AIRE: variants seen among roughly 807,000 people sequenced by gnomAD.
The protein encoded by AIRE is autoimmune polyendocrinopathy candidiasis ectodermal dystrophy protein.
Under a neutral mutation model 62.1 loss-of-function variants are expected in AIRE, and 52 were observed. The ratio of observed to expected loss-of-function variants is 0.84; its 90% CI spans 0.67 to 1.06. The LOEUF (loss-of-function observed/expected upper bound fraction) is 1.06. Ranked by LOEUF, AIRE falls within the 50% of genes least tolerant of loss-of-function variation. The pLI, the probability that AIRE is intolerant of heterozygous loss-of-function variation, is 0.00. For synonymous variants in AIRE, 342 were observed against 321.6 expected (o/e 1.06, Z -0.68); for missense variants, 774 against 755.8 (o/e 1.02, Z -0.28).
rs939569299 is a variant in AIRE, at chr21:44,292,278, TCTGA to T, written c.996-20_996-17del. 6.5e-7 allele frequency: 1 copy of T among 1,549,506 alleles called. No homozygotes were observed. Among genetic ancestry groups the T allele is most frequent in the African/African-American group, 1.4e-5 (1 of 73,580 alleles). ...CACCCGCTGTCTTGTTCTGCATGTC[TCTGA>T]CTGGTGGACACACGAGCAGTGGGAC... On this transcript the variant is annotated intron_variant, in intron 8 of 13. Transcript: ENST00000291582.
At position 44,285,891 on chromosome 21, in the gene AIRE, C is replaced by A; in HGVS notation, c.-116C>A. 4 of 1,052,818 alleles carry A rather than the reference C, an allele frequency of 3.8e-6. No individual in the cohort carries two copies. The highest frequency in any genetic ancestry group is 3.6e-5 in the East Asian group (1 of 27,412). 65.2% of individuals were successfully genotyped at this position (1,052,818 alleles called of 1,614,324 possible). ...CTCGCAGACCGGGGAGACGGGCGGG[C>A]GCACAGCCGGCGCGGAGGCCCCACA... On this transcript the variant is annotated 5_prime_UTR_variant, in exon 1 of 14. Coordinates refer to ENST00000291582, the MANE Select transcript of AIRE (RefSeq NM_000383.4).
intron 5 of AIRE, 106 bp downstream of exon 5, chr21:44,288,564 T>C: frequency 1.2e-6 from 1 of 813,212 alleles, no homozygotes; most frequent in Admixed American, 2.4e-5. Context: ...CAGACCGGAC[T>C]GTTGCTCAGG....
intron 8 of AIRE, among the ~76,000 whole-genome samples, 159 bp from the exon 9 acceptor site, chr21:44,292,143 G>C (rs1157218766): frequency 6.6e-6 from 1 of 152,096 alleles, no homozygotes; most frequent in Non-Finnish European, 1.5e-5. Context: ...CCCCCTGCTG[G>C]GCTCTCCCTT....
At position 44,286,023 on chromosome 21, in the gene AIRE, C is replaced by G; in HGVS notation, c.17C>G (p.Ala6Gly). Residue 6 changes from alanine (A) to glycine (G), a missense_variant, in exon 1 of 14, where the codon GCG becomes GGG. Around this residue, in one of 3 missense-constraint regions of AIRE, gnomAD observed 385 missense variants for 396.0 expected, o/e 0.97. Coordinates refer to ENST00000291582, the MANE Select transcript of AIRE (RefSeq NM_000383.4). The surrounding 1 kb of genome is among the most constrained non-coding windows in gnomAD (Gnocchi z 6.0). The stretch of plus-strand genomic sequence containing the variant: ...GCCCACCCCATGGCGACGGACGCGG[C>G]GCTACGCCGGCTTCTGAGGCTGCAC... Reference protein sequence around the residue: MATDAALRRLLRLHRT... With the variant: MATDAGLRRLLRLHRT... 1 of 1,533,690 alleles carries G rather than the reference C, an allele frequency of 6.5e-7. No homozygotes were observed. Among genetic ancestry groups the G allele is most frequent in the South Asian group, 1.2e-5 (1 of 83,854 alleles).
Position 44,294,363 on chromosome 21 carries a change from C to G in AIRE, c.1401-38C>G, listed in dbSNP as rs376163906. 6.2e-4 allele frequency: 879 copies of G among 1,409,060 alleles called. 12 individuals are homozygous for G. In the South Asian group the frequency reaches 0.01, roughly 17 times the overall value. 87.3% of individuals were successfully genotyped at this position (1,409,060 alleles called of 1,614,324 possible). A position where few individuals can be genotyped will look rare whatever the true frequency, so the allele number is the denominator to read the frequency against. ...ATACCCCGGAGGTGGCACTCCTGCT[C>G]CCCCCCAGGGCTGGCAGCCCCTCAT... On this transcript the variant is annotated intron_variant, in intron 11 of 13. Transcript: ENST00000291582.
Position 44,292,380 on chromosome 21 carries a change from G to A in AIRE, c.1074G>A (p.Gln358=), listed in dbSNP as rs1294643656. The change falls in exon 9 of 14, where the codon CAG becomes CAA. Residue 358 remains glutamine (Q), a synonymous_variant. Coordinates refer to ENST00000291582, the MANE Select transcript of AIRE (RefSeq NM_000383.4). ...VQPRAEEPRP[Q]EPPVETPLPP... ...CCCGGGCAGAGGAGCCCCGGCCCCA[G>A]GAGCCACCCGTGGAGACCCCGGTAT... 1.9e-6 allele frequency: 3 copies of A among 1,558,018 alleles called. No individual in the cohort carries two copies. In the African/African-American group the frequency reaches 4.1e-5, roughly 21 times the overall value.
chr21:44,298,256 C>T lies in AIRE; in HGVS notation c.*529C>T. 1 of 182,298 alleles carries T rather than the reference C, an allele frequency of 5.5e-6. No individual in the cohort carries two copies. Among genetic ancestry groups the T allele is most frequent in the South Asian group, 1.0e-4 (1 of 9,706 alleles). The allele number at this position is 182,298 out of a possible 1,614,324, so 11.3% of individuals were successfully genotyped here. Reference sequence around the variant, plus strand: ...ACCATCTGCAGAGCTGTTCCAGCTTCCTGAATGGAAACTCTGGCCCCATGA... The same window carrying T: ...ACCATCTGCAGAGCTGTTCCAGCTTTCTGAATGGAAACTCTGGCCCCATGA... On this transcript the variant is annotated 3_prime_UTR_variant, in exon 14 of 14. Transcript: ENST00000291582.
At chr21:44,291,879 G>T (rs753525560) in intron 8 of AIRE, among the ~76,000 whole-genome samples, 3 of 152,172 alleles carry the variant, frequency 2.0e-5, no homozygotes, top group Non-Finnish European at 4.4e-5. Flanking sequence ...GGGCACAGTG[G>T]GGGTCATTGC....
chr21:44,289,939 C>G, intron 6 of AIRE, 49 bp from the exon 7 acceptor site: 1 of 1,597,094 alleles, frequency 6.3e-7, no homozygotes, highest in Non-Finnish European at 8.6e-7. Context: ...GCCATGTGCA[C>G]CCTCGCTGCT....
intron 12 of AIRE, among the ~76,000 whole-genome samples, chr21:44,295,099 G>C (rs2031209862): frequency 1.3e-5 from 2 of 152,178 alleles, no homozygotes. Context: ...GGAGCCTCCG[G>C]GGGGGTGGCC....
chr21:44,290,157 G>C (rs2040521941), intron 7 of AIRE, 89 bp downstream of exon 7: 2 of 1,544,578 alleles, frequency 1.3e-6, no homozygotes. Context: ...TGGGCACTCA[G>C]GGATGAGCAC....
Position 44,287,046 on chromosome 21 carries a change from C to T in AIRE, c.376C>T (p.Pro126Ser), listed in dbSNP as rs946198025. ...CGTCCCCAAGGCTTTGGTACCGCCACCCAGACTCCCCACCAAGAGGAAGGC... is the reference window on the plus strand; with the variant it reads ...CGTCCCCAAGGCTTTGGTACCGCCATCCAGACTCCCCACCAAGAGGAAGGC... ...PAVPKALVPP[P>S]RLPTKRKASE... is the part of the protein sequence containing the mutation. The change falls in exon 3 of 14, where the codon CCC becomes TCC. Residue 126 changes from proline to serine, a missense_variant. By Grantham distance (74) the Pro-to-Ser change is moderately conservative. Transcript: ENST00000291582. The surrounding 1 kb of genome is among the most constrained non-coding windows in gnomAD (Gnocchi z 4.3). 6.2e-7 allele frequency: 1 copy of T among 1,612,686 alleles called. No individual in the cohort carries two copies. The highest frequency in any genetic ancestry group is 1.3e-5 in the African/African-American group (1 of 74,934).
chr21:44,293,703 CA>C, intron 10 of AIRE, 85 bp from the exon 11 acceptor site: 2 of 1,581,464 alleles, frequency 1.3e-6, no homozygotes, highest in Non-Finnish European at 1.7e-6. Context: ...TGGGTGGTCC[CA>C]GGGGAGAGCG....
chr21:44,288,322 C>T lies in AIRE; in HGVS notation c.539-23C>T, dbSNP rs536914673. 2.6e-6 allele frequency: 4 copies of T among 1,544,310 alleles called. No individual in the cohort carries two copies. The African/African-American group carries it at 5.4e-5, about 21-fold the overall frequency. On this transcript the variant is annotated intron_variant, in intron 4 of 13. Transcript: ENST00000291582. Reference sequence around the variant, plus strand: ...GGAACAGTCTTCCCCACGGGTGACCCCAATGGGTGTTCCCTTTCCCAGGGA... The same window carrying T: ...GGAACAGTCTTCCCCACGGGTGACCTCAATGGGTGTTCCCTTTCCCAGGGA...
intron 5 of AIRE, 189 bp from the exon 6 acceptor site, chr21:44,289,468 T>G: frequency 1.4e-6 from 1 of 698,606 alleles, no homozygotes; most frequent in Non-Finnish European, 2.4e-6. Context: ...GGGGACGCTG[T>G]TGAACACCCT....
At chr21:44,296,868 C>A (rs994880835) in intron 13 of AIRE, among the ~76,000 whole-genome samples, 7 of 152,132 alleles carry the variant, frequency 4.6e-5, no homozygotes, top group Non-Finnish European at 1.0e-4. Flanking sequence ...GATTTGCTTG[C>A]CCCTCCCAAC....
At position 44,287,714 on chromosome 21, in the gene AIRE, G is replaced by A; in HGVS notation, c.538+123G>A. 4 of 1,051,892 alleles carry A rather than the reference G, an allele frequency of 3.8e-6. No homozygotes were observed. Among genetic ancestry groups the A allele is most frequent in the Non-Finnish European group, 5.7e-6 (4 of 704,228 alleles). 65.2% of individuals were successfully genotyped at this position (1,051,892 alleles called of 1,614,324 possible). Reference sequence around the variant, plus strand: ...GGCTGGGGACGTGCTGGCCTGGTGTGTCATTCCAAGGGCCTAAGCTGCACC... The same window carrying A: ...GGCTGGGGACGTGCTGGCCTGGTGTATCATTCCAAGGGCCTAAGCTGCACC... On this transcript the variant is annotated intron_variant, in intron 4 of 13. Coordinates refer to ENST00000291582, the MANE Select transcript of AIRE (RefSeq NM_000383.4). The surrounding 1 kb of genome is among the most constrained non-coding windows in gnomAD (Gnocchi z 4.3).
Position 44,286,489 on chromosome 21 carries a change from T to G in AIRE, c.133-68T>G, listed in dbSNP as rs2040483148. Reference sequence around the variant, plus strand: ...GCCTGGGAGCTCCACCCTCTAGTCATGATGGAGATGGGCAGGCCGCAGGGT... The same window carrying G: ...GCCTGGGAGCTCCACCCTCTAGTCAGGATGGAGATGGGCAGGCCGCAGGGT... On this transcript the variant is annotated intron_variant, in intron 1 of 13. Transcript: ENST00000291582. The surrounding 1 kb of genome is among the most constrained non-coding windows in gnomAD (Gnocchi z 6.0). 2 of 1,511,084 alleles carry G rather than the reference T, an allele frequency of 1.3e-6. No homozygotes were observed. The highest frequency in any genetic ancestry group is 4.5e-5 in the East Asian group (2 of 43,988). The allele number at this position is 1,511,084 out of a possible 1,614,324, so 93.6% of individuals were successfully genotyped here.
rs748444068 is a variant in AIRE at position 44,293,816 on chromosome 21, G to T, written c.1306G>T (p.Val436Leu). The T allele has an allele frequency of 1.9e-6, 3 of 1,596,794 alleles. No homozygotes were observed. Among genetic ancestry groups the T allele is most frequent in the Admixed American group, 3.3e-5 (2 of 59,976 alleles). ...CCTGGCTCCTGGTGCGCGTTGCGGG[G>T]TGTGCGGAGATGGTACGGACGTGCT... is the stretch of plus-strand genomic sequence containing the variant. The part of the protein sequence containing the change: ...QNLAPGARCG[V>L]CGDGTDVLRC... Residue 436 changes from valine (V) to leucine (L), a missense_variant, in exon 11 of 14, where the codon GTG (valine) becomes TTG (leucine). Coordinates refer to ENST00000291582, the MANE Select transcript of AIRE (RefSeq NM_000383.4).
Sources: allele counts gnomAD v4.1 joint callset (sites outside exome capture counted in the v4.1 genomes callset), GRCh38; gene constraint gnomAD v4.1.1; regional missense constraint gnomAD v4.1.1; non-coding constraint Gnocchi (gnomAD v3.1); transcripts MANE v1.5; gene names NCBI Gene and HGNC (gene_info 2026-07-23, HGNC 2026-07-21).